Variants in ZFHX3 observed in about 807,000 individuals in gnomAD.
ZFHX3 encodes the protein zinc finger homeobox 3, also known as zinc finger homeobox protein 3.
In ZFHX3, 42 loss-of-function variants were observed where a neutral mutation model predicts 279.1. The ratio of observed to expected loss-of-function variants is 0.15; its 90% CI spans 0.12 to 0.19. ZFHX3 has a LOEUF of 0.19. Ranked by LOEUF, ZFHX3 falls within the 10% of genes least tolerant of loss-of-function variation. ZFHX3 has a pLI of 1.00. For synonymous variants in ZFHX3, 2,293 were observed against 1,957.8 expected, an observed-to-expected ratio of 1.17 and a Z score of -4.52; for missense variants, 4,981 against 4,754.0, an observed-to-expected ratio of 1.05 and a Z score of -1.40.
chr16:73,881,475 T>C (rs1291487310), intron 1 of ZFHX3, among the ~76,000 whole-genome samples: 47 of 51,996 alleles, frequency 9.0e-4, no homozygotes, highest in African/African-American at 2.6e-3. Flanking sequence ...TCTCTCTCTC[T>C]CTCTGCCCCC....
rs570664499 is a variant in ZFHX3 at position 73,664,455 on chromosome 16, T to C, written c.-1547+15725A>G. 4.6e-5 allele frequency among the ~76,000 whole-genome samples: 7 copies of C among 152,354 alleles called. No individual in the cohort carries two copies. The East Asian group carries it at 1.3e-3, about 29-fold the overall frequency. On this transcript the variant is annotated intron_variant, in intron 2 of 17. Coordinates refer to the ZFHX3 transcript ENST00000641206. ...TCGTTCTATGTAACAACCACATATT[T>C]ATATTCTTTCAGAAACTTGCTTTTT...
chr16:73,309,444 G>A (rs1320154105), intron 4 of ZFHX3, among the ~76,000 whole-genome samples: 1 of 152,116 alleles, frequency 6.6e-6, no homozygotes, highest in Non-Finnish European at 1.5e-5. Context: ...ATCCCATGCT[G>A]TATATGAACC....
intron 7 of ZFHX3, among the ~76,000 whole-genome samples, chr16:73,096,667 A>C (rs1966168231): frequency 6.6e-6 from 1 of 151,594 alleles, no homozygotes; most frequent in East Asian, 2.0e-4. Context: ...AGCCTCCCCA[A>C]ATGCTGGGAT....
rs150490938 is a variant in ZFHX3, at chr16:73,615,994, G to T, written c.-1547+64186C>A. On this transcript the variant is annotated intron_variant, in intron 2 of 17. Coordinates refer to the ZFHX3 transcript ENST00000641206. ...TTTCATACCAGGACGGTTCAGGGGAGACATAAAAGCAACATGAAATTTTAA... is the reference window on the plus strand; with the variant it reads ...TTTCATACCAGGACGGTTCAGGGGATACATAAAAGCAACATGAAATTTTAA... 3.0e-4 allele frequency among the ~76,000 whole-genome samples: 45 copies of T among 152,256 alleles called. 1 individual carries two copies. The East Asian group carries it at 5.4e-3, about 18-fold the overall frequency.
At chr16:73,783,732 T>A (rs1036723450) in intron 1 of ZFHX3, among the ~76,000 whole-genome samples, 2 of 152,232 alleles carry the variant, frequency 1.3e-5, no homozygotes, top group Non-Finnish European at 2.9e-5. Context: ...ATGGATTAAC[T>A]CATTTAATCT....
chr16:73,244,014 G>T (rs1320224811), intron 5 of ZFHX3, among the ~76,000 whole-genome samples: 1 of 152,130 alleles, frequency 6.6e-6, no homozygotes, highest in Non-Finnish European at 1.5e-5. Context: ...TACACTGATG[G>T]CCAGGAGCCC....
chr16:73,669,334 G>A (rs543909582), intron 2 of ZFHX3, among the ~76,000 whole-genome samples: 13 of 152,308 alleles, frequency 8.5e-5, no homozygotes, highest in African/African-American at 2.9e-4. Flanking sequence ...GATTACAGGC[G>A]TGAGCCACCA....
intron 3 of ZFHX3, among the ~76,000 whole-genome samples, chr16:73,369,224 C>T (rs536683831): frequency 6.6e-6 from 1 of 152,322 alleles, no homozygotes; most frequent in South Asian, 2.1e-4. Flanking sequence ...TACTTGCCAG[C>T]ATGGATTTAG....
chr16:73,063,807 T>C (rs994344045), upstream of ZFHX3, among the ~76,000 whole-genome samples: 2 of 152,232 alleles, frequency 1.3e-5, no homozygotes, highest in Non-Finnish European at 2.9e-5. Context: ...TCAGGCGGAC[T>C]GGGGAATACT....
chr16:72,832,735 T>C (rs540831036), intron 4 of ZFHX3, among the ~76,000 whole-genome samples: 1 of 146,904 alleles, frequency 6.8e-6, no homozygotes, highest in Non-Finnish European at 1.5e-5. Context: ...GACCTACAGG[T>C]GTCGCCCTCC....
intron 1 of ZFHX3, among the ~76,000 whole-genome samples, chr16:73,831,608 TCACA>T (rs1037122303): frequency 3.3e-5 from 5 of 152,208 alleles, no homozygotes; most frequent in Admixed American, 3.3e-4. Context: ...TTTTTCTCCA[TCACA>T]CAGACAGTTA....
chr16:73,251,873 ATG>A (rs2013508691), intron 5 of ZFHX3, among the ~76,000 whole-genome samples: 1 of 141,342 alleles, frequency 7.1e-6, no homozygotes, highest in African/African-American at 2.7e-5. Flanking sequence ...CGCACACACC[ATG>A]CACACACACC....
At chr16:73,646,854 C>T (rs2052622483) in intron 2 of ZFHX3, among the ~76,000 whole-genome samples, 1 of 152,000 alleles carries the variant, frequency 6.6e-6, no homozygotes, top group Admixed American at 6.6e-5. Flanking sequence ...TCAAACTCAG[C>T]CAGTTTTATA....
chr16:73,661,928 T>C (rs1203702592), intron 2 of ZFHX3, among the ~76,000 whole-genome samples: 1 of 152,042 alleles, frequency 6.6e-6, no homozygotes, highest in Non-Finnish European at 1.5e-5. Flanking sequence ...TCAAATCTGA[T>C]TTTTTCAGGT....
intron 2 of ZFHX3, among the ~76,000 whole-genome samples, chr16:73,624,878 G>A (rs753352727): frequency 3.9e-5 from 6 of 152,084 alleles, no homozygotes; most frequent in Non-Finnish European, 7.4e-5. Context: ...CCCCAAATCC[G>A]ATCTTACACA....
At chr16:73,884,131 C>A (rs978096794) in intron 1 of ZFHX3, among the ~76,000 whole-genome samples, 1 of 152,170 alleles carries the variant, frequency 6.6e-6, no homozygotes. Context: ...TTTTATACTA[C>A]TCGCATATTG....
chr16:73,448,117 A>G (rs1412407866), intron 3 of ZFHX3, among the ~76,000 whole-genome samples: 1 of 152,202 alleles, frequency 6.6e-6, no homozygotes, highest in Non-Finnish European at 1.5e-5. Context: ...GCAGGGGCAG[A>G]TATTAATGCT....
intron 3 of ZFHX3, among the ~76,000 whole-genome samples, chr16:73,331,381 T>C (rs1488930120): frequency 1.3e-5 from 2 of 152,192 alleles, no homozygotes; most frequent in Non-Finnish European, 2.9e-5. Flanking sequence ...AAGGGCATCC[T>C]GAGAGTAGAA....
intron 1 of ZFHX3, among the ~76,000 whole-genome samples, chr16:73,043,182 G>C (rs1376434164): frequency 6.6e-6 from 1 of 152,188 alleles, no homozygotes; most frequent in Non-Finnish European, 1.5e-5. Flanking sequence ...ACACACAGCA[G>C]AACCACCTAA....
Sources: gnomAD v4.1 joint callset for allele counts (sites outside exome capture counted in the v4.1 genomes callset) on GRCh38, gnomAD v4.1.1 for gene constraint, MANE v1.5 for transcripts, NCBI Gene and HGNC (gene_info 2026-07-23, HGNC 2026-07-21) for gene names.